RIC1: variants seen among roughly 807,000 people sequenced by gnomAD.
RIC1 encodes the protein RIC1 partner of RAB6A GEF complex.
In RIC1, 88 loss-of-function variants were observed where a neutral mutation model predicts 169.0. The ratio of observed to expected loss-of-function variants is 0.52; its 90% CI spans 0.44 to 0.62. The LOEUF is 0.62. Among genes scored for constraint, RIC1 ranks in the 20% least tolerant of loss-of-function variants. The probability of loss-of-function intolerance (pLI) is 0.00; values close to 1 mark genes in which losing one functional copy is unlikely to be tolerated. For synonymous variants in RIC1, 790 were observed against 601.5 expected (o/e 1.31, Z -4.59); for missense variants, 1,877 against 1,725.5 (o/e 1.09, Z -1.56).
At chr9:5,659,070 G>T (rs554675559) in intron 2 of RIC1, among the ~76,000 whole-genome samples, 2 of 152,160 alleles carry the variant, frequency 1.3e-5, no homozygotes, top group East Asian at 1.9e-4. Context: ...TCCACAAAAA[G>T]AATCTAATTC....
chr9:5,689,201 A>C (rs753856196), intron 2 of RIC1, among the ~76,000 whole-genome samples: 10 of 151,686 alleles, frequency 6.6e-5, no homozygotes, highest in Admixed American at 1.3e-4. Context: ...GGCGCCTGCC[A>C]CCACGCCCGG....
chr9:5,721,715 T>C (rs143708248), intron 6 of RIC1, among the ~76,000 whole-genome samples: 1 of 152,278 alleles, frequency 6.6e-6, no homozygotes, highest in African/African-American at 2.4e-5. Context: ...GTATAATTAT[T>C]TTTCCTTTAC....
chr9:5,737,673 A>G (rs1824806980), intron 7 of RIC1, among the ~76,000 whole-genome samples: 1 of 151,830 alleles, frequency 6.6e-6, no homozygotes, highest in Non-Finnish European at 1.5e-5. Context: ...ACCCCCCAAC[A>G]CAGTTGAAAA....
At chr9:5,725,235 G>T (rs138958475) in intron 6 of RIC1, among the ~76,000 whole-genome samples, 3,945 of 152,118 alleles carry the variant, frequency 0.026, 86 homozygotes, top group Admixed American at 0.036. Context: ...CAATTTCAGA[G>T]CCTGTTATTG....
chr9:5,721,315 G>A (rs1823573142), intron 6 of RIC1, among the ~76,000 whole-genome samples: 1 of 152,178 alleles, frequency 6.6e-6, no homozygotes, highest in Non-Finnish European at 1.5e-5. Flanking sequence ...AGCCAGGAAA[G>A]ATTAGGCATG....
rs1827538037 is a variant in RIC1, at chr9:5,775,568, T to TA, written c.*1326dup. 6.6e-6 allele frequency: 1 copy of TA among 152,188 alleles called. No homozygotes were observed. Among genetic ancestry groups the TA allele is most frequent in the African/African-American group, 2.4e-5 (1 of 41,444 alleles). The allele number at this position is 152,188 out of a possible 1,614,324, so 9.4% of individuals were successfully genotyped here. On this transcript the variant is annotated 3_prime_UTR_variant, in exon 26 of 26. Coordinates refer to ENST00000414202, the MANE Select transcript of RIC1 (RefSeq NM_020829.4). ...TGTGGACCAAATTCGTACCACTATC[T>TA]AAAATAGCCTCTTTTCTCATAGTGC...
chr9:5,690,043 G>C lies in RIC1; in HGVS notation c.332+5G>C, dbSNP rs762080226. 1 of 1,566,986 alleles carries C rather than the reference G, an allele frequency of 6.4e-7. No individual in the cohort carries two copies. The highest frequency in any genetic ancestry group is 8.7e-7 in the Non-Finnish European group (1 of 1,155,930). ...TTATGAACCAGTGTATCCCAAGTAA[G>C]TTTGTTGCCTTTCATTCTTTTAATA... is the stretch of plus-strand genomic sequence containing the variant. On this transcript the variant is annotated splice_donor_5th_base_variant and intron_variant, in intron 3 of 25. Transcript: ENST00000414202.
chr9:5,711,593 T>C (rs551883745), intron 3 of RIC1, among the ~76,000 whole-genome samples: 3 of 151,600 alleles, frequency 2.0e-5, no homozygotes, highest in East Asian at 1.9e-4. Flanking sequence ...ATTTTTATTA[T>C]ACTTTAAGTT....
intron 4 of RIC1, among the ~76,000 whole-genome samples, chr9:5,716,828 C>T (rs1018067001): frequency 2.6e-5 from 4 of 152,050 alleles, no homozygotes; most frequent in African/African-American, 4.8e-5. Context: ...ACAACTGACA[C>T]CAGCTTTTTT....
At chr9:5,777,952 C>T (rs1827675117), downstream of RIC1, among the ~76,000 whole-genome samples, 1 of 152,084 alleles carries the variant, frequency 6.6e-6, no homozygotes, top group Admixed American at 6.6e-5. Context: ...CCTTGTATTT[C>T]CATATGAATT....
intron 17 of RIC1, among the ~76,000 whole-genome samples, chr9:5,761,976 T>C (rs1826365448): frequency 6.6e-6 from 1 of 152,222 alleles, no homozygotes; most frequent in South Asian, 2.1e-4. Flanking sequence ...AATAACTGTC[T>C]TATTCAAGAA....
At chr9:5,755,922 T>TTAAA (rs55944285) in intron 15 of RIC1, among the ~76,000 whole-genome samples, 48,919 of 148,132 alleles carry the variant, frequency 0.33, 8,566 homozygotes, top group East Asian at 0.57. Flanking sequence ...GACCCCGTCT[T>TTAAA]TAAATAAATA....
In RIC1 at chr9:5,753,600, A is replaced by T; in HGVS notation, c.1556A>T (p.Tyr519Phe). 6.2e-7 allele frequency: 1 copy of T among 1,610,818 alleles called. No homozygotes were observed. The highest frequency in any genetic ancestry group is 1.7e-5 in the Admixed American group (1 of 59,572). ...GTTGGCAAGTTTGGTTTTGCACATT[A>T]CTCTTTACTCACCAAAAAATGGAAA... The part of the protein sequence containing the change: ...AVVGKFGFAH[Y>F]SLLTKKWKLF... Residue 519 changes from tyrosine to phenylalanine, a missense_variant, in exon 14 of 26, where the codon TAC becomes TTC. Physicochemically the swap from Tyr to Phe is conservative, Grantham distance 22. Around this residue, in one of 3 missense-constraint regions of RIC1, gnomAD observed 1,104 missense variants for 992.0 expected, o/e 1.11. Coordinates refer to ENST00000414202, the MANE Select transcript of RIC1 (RefSeq NM_020829.4).
Position 5,772,758 on chromosome 9 carries a change from T to C in RIC1, c.3794+17T>C. On this transcript the variant is annotated intron_variant, in intron 24 of 25. Transcript: ENST00000414202. ...CCAGCTTCGGTGAGTTTCTTGGCTATTTGAAATCACAGAATGCCTACTCAG... is the reference window on the plus strand; with the variant it reads ...CCAGCTTCGGTGAGTTTCTTGGCTACTTGAAATCACAGAATGCCTACTCAG... 1 of 1,596,066 alleles carries C rather than the reference T, an allele frequency of 6.3e-7. No homozygotes were observed. Among genetic ancestry groups the C allele is most frequent in the Non-Finnish European group, 8.5e-7 (1 of 1,171,896 alleles).
At chr9:5,706,561 A>C (rs1253596777) in intron 3 of RIC1, among the ~76,000 whole-genome samples, 1 of 152,122 alleles carries the variant, frequency 6.6e-6, no homozygotes, top group Non-Finnish European at 1.5e-5. Context: ...TAGGTCACTA[A>C]TTAAGCCATC....
chr9:5,715,967 A>G (rs1308148515), intron 4 of RIC1, among the ~76,000 whole-genome samples: 1 of 151,962 alleles, frequency 6.6e-6, no homozygotes, highest in African/African-American at 2.4e-5. Flanking sequence ...ACCTCAGCCT[A>G]TCAAGTAGCT....
chr9:5,760,494 C>T (rs1057364306), intron 17 of RIC1, among the ~76,000 whole-genome samples: 10 of 152,144 alleles, frequency 6.6e-5, no homozygotes, highest in Non-Finnish European at 1.3e-4. Flanking sequence ...AAACATTACT[C>T]ATATTGTGGT....
chr9:5,749,399 G>T (rs1431126630), intron 12 of RIC1, among the ~76,000 whole-genome samples: 1 of 152,128 alleles, frequency 6.6e-6, no homozygotes, highest in Non-Finnish European at 1.5e-5. Flanking sequence ...TACGTTCTAG[G>T]CTTTTTAGCC....
chr9:5,764,229 G>A (rs543584368), intron 19 of RIC1, among the ~76,000 whole-genome samples: 2 of 152,310 alleles, frequency 1.3e-5, no homozygotes, highest in Admixed American at 1.3e-4. Context: ...AGCAAAGAAA[G>A]TATTATTTGA....
Sources: gnomAD v4.1 joint callset for allele counts (sites outside exome capture counted in the v4.1 genomes callset) on GRCh38, gnomAD v4.1.1 for gene constraint, gnomAD v4.1.1 regional missense constraint, MANE v1.5 for transcripts, NCBI Gene and HGNC (gene_info 2026-07-23, HGNC 2026-07-21) for gene names.